The following MATN2 variants were observed in gnomAD, a reference collection of about 807,000 sequenced individuals.
MATN2 encodes matrilin-2.
In MATN2, 69 loss-of-function variants were observed where a neutral mutation model predicts 103.2. The observed-to-expected ratio is 0.67, with a 90% CI of 0.55 to 0.82. The LOEUF (loss-of-function observed/expected upper bound fraction) is 0.82. Among genes scored for constraint, MATN2 ranks in the 40% least tolerant of loss-of-function variants. MATN2 has a pLI of 0.00. For synonymous variants in MATN2, 429 were observed against 450.2 expected, an observed-to-expected ratio of 0.95 and a Z score of 0.60; for missense variants, 1,023 against 1,211.5, an observed-to-expected ratio of 0.84 and a Z score of 2.31.
chr8:97,926,464 G>T (rs1809993669), intron 2 of MATN2, among the ~76,000 whole-genome samples: 1 of 152,320 alleles, frequency 6.6e-6, no homozygotes, highest in South Asian at 2.1e-4. Context: ...AATGCTGGCT[G>T]TACTGATAAT....
At position 98,035,584 on chromosome 8, in the gene MATN2, G is replaced by A. The variant is rs1189021075; in HGVS notation, c.2816-73G>A. Reference sequence around the variant, plus strand: ...TAGATTTCAGAAGCCAAAATTTTACGTGGATAAATCAAGTTATATTTAAAT... The same window carrying A: ...TAGATTTCAGAAGCCAAAATTTTACATGGATAAATCAAGTTATATTTAAAT... On this transcript the variant is annotated intron_variant, in intron 18 of 18. Transcript: ENST00000254898. 19 of 912,802 alleles carry A rather than the reference G, an allele frequency of 2.1e-5. No individual in the cohort carries two copies. In the Middle Eastern group the frequency reaches 8.8e-4, roughly 42 times the overall value. The allele number at this position is 912,802 out of a possible 1,614,324, so 56.5% of individuals were successfully genotyped here.
rs1586385410 is a variant in MATN2 at position 97,893,847 on chromosome 8, G to C, written c.142+5605G>C. 1.3e-5 allele frequency among the ~76,000 whole-genome samples: 2 copies of C among 152,072 alleles called. 1 individual carries two copies. Among genetic ancestry groups the C allele is most frequent in the South Asian group, 4.2e-4 (2 of 4,816 alleles). On this transcript the variant is annotated intron_variant, in intron 2 of 18. Coordinates refer to ENST00000254898, the MANE Select transcript of MATN2 (RefSeq NM_002380.5). ...CGTGAGCCGCCGCACCCGGCCCCCA[G>C]TGTATTCTTGATTCCCTCCACTCCA...
At chr8:97,985,030 T>G (rs571124419) in intron 6 of MATN2, among the ~76,000 whole-genome samples, 1 of 152,264 alleles carries the variant, frequency 6.6e-6, no homozygotes, top group East Asian at 1.9e-4. Context: ...AAAATGGATA[T>G]GTTTTAGTCC....
intron 3 of MATN2, among the ~76,000 whole-genome samples, chr8:97,933,167 C>T (rs1436490969): frequency 6.6e-6 from 1 of 152,136 alleles, no homozygotes; most frequent in African/African-American, 2.4e-5. Context: ...AAAAAAGAAC[C>T]TTTTTCCTTG....
intron 11 of MATN2, 109 bp downstream of exon 11, chr8:98,016,771 C>A: frequency 7.5e-7 from 1 of 1,333,870 alleles, no homozygotes; most frequent in Non-Finnish European, 1.1e-6. Context: ...TGCCACACAG[C>A]AAAATGTAAT....
chr8:97,916,041 TTTTTATTTTA>T (rs141785984), intron 2 of MATN2, among the ~76,000 whole-genome samples: 19,611 of 145,264 alleles, frequency 0.14, 4,040 homozygotes, highest in African/African-American at 0.44. Context: ...CTGGCTATGG[TTTTTATTTTA>T]TTTTATTTTA....
intron 7 of MATN2, among the ~76,000 whole-genome samples, chr8:97,996,580 G>A (rs1386763961): frequency 6.6e-6 from 1 of 152,088 alleles, no homozygotes; most frequent in Non-Finnish European, 1.5e-5. Flanking sequence ...ATCAGCCCTC[G>A]CCCAACGTCC....
At chr8:97,903,390 C>T (rs900702696) in intron 2 of MATN2, among the ~76,000 whole-genome samples, 16 of 152,202 alleles carry the variant, frequency 1.1e-4, no homozygotes, top group African/African-American at 3.9e-4. Context: ...CATGGAAGGG[C>T]TCTTCCTCAC....
intron 13 of MATN2, among the ~76,000 whole-genome samples, chr8:98,022,399 A>G (rs924700103): frequency 6.6e-6 from 1 of 151,974 alleles, no homozygotes; most frequent in Non-Finnish European, 1.5e-5. Context: ...CCTTTTTCTA[A>G]TATTTAAGTT....
At chr8:98,010,135 C>T (rs183648778) in intron 10 of MATN2, among the ~76,000 whole-genome samples, 126 of 152,302 alleles carry the variant, frequency 8.3e-4, no homozygotes, top group Non-Finnish European at 1.5e-3. Flanking sequence ...TCCCTGAAGC[C>T]GCCTCCTGTT....
chr8:97,919,261 C>T (rs1809731027), intron 2 of MATN2, among the ~76,000 whole-genome samples: 1 of 152,128 alleles, frequency 6.6e-6, no homozygotes, highest in African/African-American at 2.4e-5. Context: ...ATTCTGATTC[C>T]CTGGGTCTAG....
chr8:97,965,630 T>C lies in MATN2; in HGVS notation c.958+4100T>C, dbSNP rs567216459. Among the ~76,000 whole-genome samples the C allele has an allele frequency of 2.9e-4, 44 of 152,212 alleles. No individual in the cohort carries two copies. In the South Asian group the frequency reaches 8.1e-3, roughly 28 times the overall value. Reference sequence around the variant, plus strand: ...AGGAGGATTGCTTGAGCCCAGGTGTTCAAGACTAACCTGGGCAACATAGTG... The same window carrying C: ...AGGAGGATTGCTTGAGCCCAGGTGTCCAAGACTAACCTGGGCAACATAGTG... On this transcript the variant is annotated intron_variant, in intron 5 of 18. Transcript: ENST00000254898.
intron 4 of MATN2, among the ~76,000 whole-genome samples, chr8:97,955,038 G>T (rs530520678): frequency 6.6e-6 from 1 of 152,174 alleles, no homozygotes; most frequent in Non-Finnish European, 1.5e-5. Flanking sequence ...CAGAAGGAAT[G>T]ACCTTTGCAA....
At chr8:97,927,822 T>C (rs1810037459) in intron 2 of MATN2, among the ~76,000 whole-genome samples, 1 of 152,202 alleles carries the variant, frequency 6.6e-6, no homozygotes, top group Non-Finnish European at 1.5e-5. Context: ...CTTGGATAGA[T>C]ATTGACACCA....
intron 3 of MATN2, among the ~76,000 whole-genome samples, chr8:97,936,773 C>A (rs1198934825): frequency 2.6e-5 from 4 of 152,110 alleles, no homozygotes; most frequent in African/African-American, 9.7e-5. Flanking sequence ...TGTGGTCTCC[C>A]CTTGGCTCTC....
intron 1 of MATN2, among the ~76,000 whole-genome samples, chr8:97,880,732 C>G (rs1193076252): frequency 1.3e-5 from 2 of 152,108 alleles, no homozygotes; most frequent in Non-Finnish European, 2.9e-5. Context: ...CTCCTCAACC[C>G]CATTGGTCTC....
chr8:98,009,874 T>A (rs944775707), intron 10 of MATN2, among the ~76,000 whole-genome samples: 38 of 152,168 alleles, frequency 2.5e-4, no homozygotes, highest in Non-Finnish European at 4.7e-4. Context: ...CTGATGTGCA[T>A]GGACCACACT....
At chr8:97,992,352 T>G (rs1299123138) in intron 6 of MATN2, among the ~76,000 whole-genome samples, 1 of 152,188 alleles carries the variant, frequency 6.6e-6, no homozygotes, top group Non-Finnish European at 1.5e-5. Flanking sequence ...AGAAAAAGAT[T>G]TTTTAAATGC....
At chr8:97,989,417 C>T (rs994676349) in intron 6 of MATN2, among the ~76,000 whole-genome samples, 4 of 148,442 alleles carry the variant, frequency 2.7e-5, no homozygotes, top group East Asian at 2.0e-4. Flanking sequence ...TGCAGTGAGC[C>T]GAGATCGTGC....
Sources: allele counts gnomAD v4.1 joint callset (sites outside exome capture counted in the v4.1 genomes callset), GRCh38; gene constraint gnomAD v4.1.1; transcripts MANE v1.5; gene names NCBI Gene and HGNC (gene_info 2026-07-23, HGNC 2026-07-21).